The following PCDH11X variants were observed in gnomAD, a reference collection of about 807,000 sequenced individuals.
The protein encoded by PCDH11X is protocadherin-11 X-linked.
Under a neutral mutation model 53.3 loss-of-function variants are expected in PCDH11X, and 18 were observed. That is an observed-to-expected ratio of 0.34 (90% CI 0.23 to 0.50). The LOEUF (loss-of-function observed/expected upper bound fraction) is 0.50. Ranked by LOEUF, PCDH11X falls within the 20% of genes least tolerant of loss-of-function variation. The pLI, the probability that PCDH11X is intolerant of heterozygous loss-of-function variation, is 0.98. For missense variants in PCDH11X, 570 were observed against 1,032.4 expected, an observed-to-expected ratio of 0.55 and a Z score of 6.14; for synonymous variants, 279 against 393.3, an observed-to-expected ratio of 0.71 and a Z score of 3.44.
intron 6 of PCDH11X, among the ~76,000 whole-genome samples, chrX:91,945,048 C>CATACATATATATATATATAT (rs1490903695): frequency 1.6e-5 from 1 of 63,242 alleles, no homozygotes; most frequent in Non-Finnish European, 3.1e-5. Flanking sequence ...ACATCATATA[C>CATACATATATATATATATAT]ATATATATAT....
chrX:92,386,653 T>G (rs2071017511), intron 8 of PCDH11X, among the ~76,000 whole-genome samples: 1 of 109,637 alleles, frequency 9.1e-6, no homozygotes, highest in African/African-American at 3.3e-5. Flanking sequence ...TCATAATGGA[T>G]TCTTCATGTA....
intron 10 of PCDH11X, among the ~76,000 whole-genome samples, chrX:92,495,048 C>A (rs1275152869): frequency 2.0e-5 from 2 of 98,724 alleles, no homozygotes; most frequent in Non-Finnish European, 4.1e-5. Flanking sequence ...ATTTGCCATA[C>A]CCAAGAGTTC....
chrX:92,387,689 A>T lies in PCDH11X; in HGVS notation c.3145-46A>T, dbSNP rs771424920. Reference sequence around the variant, plus strand: ...TTCTAAATTGCAGCATTAAGCAATTATTCAGATCATATCTGAAACCCTGTA... The same window carrying T: ...TTCTAAATTGCAGCATTAAGCAATTTTTCAGATCATATCTGAAACCCTGTA... On this transcript the variant is annotated intron_variant, in intron 8 of 10. Coordinates refer to ENST00000682573, the MANE Select transcript of PCDH11X (RefSeq NM_032968.5). 10 of 1,212,014 alleles carry T rather than the reference A, an allele frequency of 8.3e-6. No individual in the cohort carries two copies. In the East Asian group the frequency reaches 2.1e-4, roughly 25 times the overall value.
intron 6 of PCDH11X, among the ~76,000 whole-genome samples, chrX:92,116,483 G>A (rs2064640760): frequency 8.9e-6 from 1 of 112,510 alleles, no homozygotes; most frequent in African/African-American, 3.2e-5. Flanking sequence ...TAATGCAGGT[G>A]TAGACAGATG....
At chrX:92,015,970 G>A (rs2062785607) in intron 6 of PCDH11X, among the ~76,000 whole-genome samples, 1 of 111,312 alleles carries the variant, frequency 9.0e-6, no homozygotes, top group South Asian at 3.8e-4. Flanking sequence ...TAATACTTGA[G>A]AGTTGAAATT....
intron 10 of PCDH11X, among the ~76,000 whole-genome samples, chrX:92,499,440 G>GT: frequency 1.6e-5 from 1 of 61,027 alleles, no homozygotes; most frequent in Non-Finnish European, 3.3e-5. Context: ...CTCATCTGGA[G>GT]TTTGAAAAAA....
intron 6 of PCDH11X, among the ~76,000 whole-genome samples, chrX:91,952,965 T>C (rs1350016067): frequency 9.0e-6 from 1 of 110,852 alleles, no homozygotes; most frequent in African/African-American, 3.3e-5. Context: ...AAACATGACA[T>C]GTTCTCATTT....
At chrX:92,266,537 C>A (rs1226187752) in intron 8 of PCDH11X, among the ~76,000 whole-genome samples, 1 of 111,486 alleles carries the variant, frequency 9.0e-6, no homozygotes, top group Non-Finnish European at 1.9e-5. Flanking sequence ...AAGATAGACA[C>A]TTTTTCTACC....
At chrX:92,198,352 G>A (rs910519795) in intron 6 of PCDH11X, among the ~76,000 whole-genome samples, 11 of 98,379 alleles carry the variant, frequency 1.1e-4, no homozygotes, top group Non-Finnish European at 1.8e-4. Flanking sequence ...TTGAGGCTGC[G>A]GTGAGCCAAG....
chrX:92,192,438 G>C lies in PCDH11X; in HGVS notation c.3034-8937G>C, dbSNP rs1175762071. On this transcript the variant is annotated intron_variant, in intron 6 of 10. Coordinates refer to ENST00000682573, the MANE Select transcript of PCDH11X (RefSeq NM_032968.5). ...GCTCACTGCAACCTCTGCCTCCTGG[G>C]TTCAAGCGATTCTCCTGCCTCAGCC... is the stretch of plus-strand genomic sequence containing the variant. Among the ~76,000 whole-genome samples, 5 of 110,394 alleles carry C rather than the reference G, an allele frequency of 4.5e-5. No homozygotes were observed. The South Asian group carries it at 1.9e-3, about 42-fold the overall frequency.
At chrX:91,822,946 A>T (rs1240007145) in intron 4 of PCDH11X, among the ~76,000 whole-genome samples, 2 of 110,745 alleles carry the variant, frequency 1.8e-5, no homozygotes, top group African/African-American at 6.6e-5. Flanking sequence ...GTAGTCATTC[A>T]GGAGCAGGTT....
intron 7 of PCDH11X, among the ~76,000 whole-genome samples, chrX:92,230,836 C>T (rs2067063533): frequency 1.8e-5 from 2 of 109,390 alleles, no homozygotes; most frequent in African/African-American, 6.6e-5. Context: ...CCAGAGAATC[C>T]ATTTGCTGAA....
chrX:92,397,468 A>AT (rs748075744), intron 9 of PCDH11X, among the ~76,000 whole-genome samples: 2,160 of 102,957 alleles, frequency 0.021, 50 homozygotes, highest in East Asian at 0.095. Context: ...GAAGGAGTCA[A>AT]TTTTTTTTTT....
At chrX:92,612,222 T>G (rs1602447689) in intron 10 of PCDH11X, among the ~76,000 whole-genome samples, 1 of 110,967 alleles carries the variant, frequency 9.0e-6, no homozygotes, top group South Asian at 3.8e-4. Flanking sequence ...CCATCTGGTC[T>G]GGGTTTTGTT....
chrX:91,984,006 A>G (rs946914163), intron 6 of PCDH11X, among the ~76,000 whole-genome samples: 22 of 107,380 alleles, frequency 2.0e-4, no homozygotes, highest in African/African-American at 7.5e-4. Flanking sequence ...CATACTTCAT[A>G]TGAAAATTGC....
intron 9 of PCDH11X, among the ~76,000 whole-genome samples, chrX:92,447,161 C>A (rs945820886): frequency 9.8e-5 from 11 of 111,780 alleles, no homozygotes; most frequent in Non-Finnish European, 1.9e-4. Flanking sequence ...AATTTTGCAG[C>A]CTGACAATTT....
chrX:92,185,841 A>T (rs1184393023), intron 6 of PCDH11X, among the ~76,000 whole-genome samples: 1 of 111,384 alleles, frequency 9.0e-6, no homozygotes, highest in Non-Finnish European at 1.9e-5. Flanking sequence ...AAGAAAAAAC[A>T]AAACAAAACA....
intron 8 of PCDH11X, among the ~76,000 whole-genome samples, chrX:92,264,389 C>A (rs893051288): frequency 9.0e-6 from 1 of 111,399 alleles, no homozygotes; most frequent in African/African-American, 3.3e-5. Flanking sequence ...TCCCAGAAGA[C>A]AAAAGTTCAT....
In PCDH11X at chrX:92,181,683, G is replaced by A. The variant is rs913581649; in HGVS notation, c.3034-19692G>A. On this transcript the variant is annotated intron_variant, in intron 6 of 10. Transcript: ENST00000682573. Reference sequence around the variant, plus strand: ...GCCACCACAGCCATGACTAAAAGGGGCAAAGGTACAGCTCAAGGCATGGCT... The same window carrying A: ...GCCACCACAGCCATGACTAAAAGGGACAAAGGTACAGCTCAAGGCATGGCT... Among the ~76,000 whole-genome samples the A allele has an allele frequency of 6.2e-5, 7 of 112,392 alleles. No homozygotes were observed. In the East Asian group the frequency reaches 1.1e-3, roughly 18 times the overall value.
Sources: allele counts gnomAD v4.1 joint callset (sites outside exome capture counted in the v4.1 genomes callset), GRCh38; gene constraint gnomAD v4.1.1; transcripts MANE v1.5; gene names NCBI Gene and HGNC (gene_info 2026-07-23, HGNC 2026-07-21).